Variants in RFLNA observed in about 807,000 individuals in gnomAD.
RFLNA encodes the protein refilin A.
Under a neutral mutation model 7.8 loss-of-function variants are expected in RFLNA, and 5 were observed. That is an observed-to-expected ratio of 0.64 (90% CI 0.34 to 1.35). The LOEUF is 1.35. RFLNA is among the 40% of genes most tolerant of loss of function. The pLI is 0.04. For missense variants in RFLNA, 278 were observed against 305.5 expected, an observed-to-expected ratio of 0.91 and a Z score of 0.67; for synonymous variants, 141 against 131.3, an observed-to-expected ratio of 1.07 and a Z score of -0.50.
intron 1 of RFLNA, among the ~76,000 whole-genome samples, chr12:124,303,370 G>A (rs2034080114): frequency 6.6e-6 from 1 of 152,208 alleles, no homozygotes; most frequent in South Asian, 2.1e-4. Context: ...GTGGGGCCTG[G>A]TGGGCCCTTG....
intron 2 of RFLNA, among the ~76,000 whole-genome samples, chr12:124,313,342 AG>A (rs2034287134): frequency 6.6e-6 from 1 of 152,182 alleles, no homozygotes; most frequent in Non-Finnish European, 1.5e-5. Flanking sequence ...AGGGTGTTGA[AG>A]GGACTTCTTG....
intron 1 of RFLNA, among the ~76,000 whole-genome samples, chr12:124,300,555 T>C (rs1280351772): frequency 6.7e-6 from 1 of 150,180 alleles, no homozygotes; most frequent in East Asian, 2.0e-4. Flanking sequence ...AGTGCTGGGG[T>C]TGGGAAGGAT....
intron 1 of RFLNA, among the ~76,000 whole-genome samples, chr12:124,302,555 C>G (rs2342467): frequency 0.98 from 149,337 of 152,194 alleles, 73,333 homozygotes; most frequent in Middle Eastern, 1. Flanking sequence ...CCACCCCTGC[C>G]CCGGCCCCCT....
chr12:124,309,590 C>T (rs919100376), intron 1 of RFLNA, among the ~76,000 whole-genome samples: 1 of 152,236 alleles, frequency 6.6e-6, no homozygotes, highest in African/African-American at 2.4e-5. Context: ...GATGAACAAG[C>T]TATCTGAAAA....
rs912469014 is a variant in RFLNA at position 124,289,685 on chromosome 12, C to T, written c.-37+315C>T. Among the ~76,000 whole-genome samples the T allele has an allele frequency of 1.3e-5, 2 of 152,208 alleles. No individual in the cohort carries two copies. Among genetic ancestry groups the T allele is most frequent in the African/African-American group, 4.8e-5 (2 of 41,460 alleles). ...CCCAGCAAAGGCGGGCTGCAGGCTC[C>T]GAGAGGACACGGGCTAAAAATGAAG... is the stretch of plus-strand genomic sequence containing the variant. On this transcript the variant is annotated intron_variant, in intron 1 of 2. Transcript: ENST00000324038. The surrounding 1 kb of genome is among the most constrained non-coding windows in gnomAD (Gnocchi z 5.0).
intron 1 of RFLNA, among the ~76,000 whole-genome samples, chr12:124,309,435 A>G (rs941874508): frequency 3.3e-5 from 5 of 152,242 alleles, no homozygotes; most frequent in Admixed American, 2.6e-4. Flanking sequence ...TACAGAGCGC[A>G]GTGCCGGCAC....
chr12:124,313,338 T>C (rs868817176), intron 2 of RFLNA, among the ~76,000 whole-genome samples: 5 of 152,200 alleles, frequency 3.3e-5, no homozygotes, highest in African/African-American at 1.2e-4. Context: ...TCCAAGGGTG[T>C]TGAAGGGACT....
intron 1 of RFLNA, among the ~76,000 whole-genome samples, chr12:124,298,986 G>T (rs1438407317): frequency 6.6e-6 from 1 of 152,252 alleles, no homozygotes; most frequent in Non-Finnish European, 1.5e-5. Flanking sequence ...CCACAAAGAG[G>T]CAGGGACCAC....
chr12:124,294,598 C>G (rs974176882), upstream of RFLNA, among the ~76,000 whole-genome samples: 1 of 5,542 alleles, frequency 1.8e-4, no homozygotes, highest in Non-Finnish European at 0.022. Context: ...TCATCGCCCC[C>G]GCCGCCCCCA....
intron 2 of RFLNA, among the ~76,000 whole-genome samples, chr12:124,313,035 C>G (rs899974388): frequency 2.0e-5 from 3 of 152,192 alleles, no homozygotes; most frequent in Middle Eastern, 3.2e-3. Flanking sequence ...GCCAGCCAGG[C>G]AATGGTCCCA....
chr12:124,307,208 G>A (rs1566326542), intron 1 of RFLNA, among the ~76,000 whole-genome samples: 2 of 152,236 alleles, frequency 1.3e-5, no homozygotes, highest in African/African-American at 2.4e-5. Flanking sequence ...GCTAAGTGCC[G>A]TGTCCCAGTG....
In RFLNA at chr12:124,295,540, C is replaced by A; in HGVS notation, c.111C>A (p.Ser37Arg). ...GGCTGCCCCCCAGCCCCAGCCCCAGCCCGCCCTTCTACTCCCTGGCGCCCG... is the reference window on the plus strand; with the variant it reads ...GGCTGCCCCCCAGCCCCAGCCCCAGACCGCCCTTCTACTCCCTGGCGCCCG... ...DSGLPPSPSPSPPFYSLAPGI... is the reference protein window; with the variant it reads ...DSGLPPSPSPRPPFYSLAPGI... Residue 37 changes from serine (S) to arginine (R), a missense_variant, in exon 1 of 3, where the codon AGC (serine) becomes AGA (arginine). Transcript: ENST00000546355. 1.6e-6 allele frequency: 2 copies of A among 1,258,924 alleles called. No individual in the cohort carries two copies. The highest frequency in any genetic ancestry group is 3.0e-5 in the South Asian group (1 of 32,958). 78.0% of individuals were successfully genotyped at this position (1,258,924 alleles called of 1,614,324 possible). A position where few individuals can be genotyped will look rare whatever the true frequency, so the allele number is the denominator to read the frequency against.
At chr12:124,308,666 C>T (rs1010462227) in intron 1 of RFLNA, among the ~76,000 whole-genome samples, 5 of 152,250 alleles carry the variant, frequency 3.3e-5, no homozygotes, top group Non-Finnish European at 5.9e-5. Context: ...CATCTCTCCC[C>T]ATTTTCACAC....
chr12:124,311,518 G>T (rs2034243060), intron 1 of RFLNA, among the ~76,000 whole-genome samples: 1 of 152,216 alleles, frequency 6.6e-6, no homozygotes, highest in South Asian at 2.1e-4. Context: ...CTCCGGGGTG[G>T]GTGTGGCCTT....
At chr12:124,292,266 C>T (rs978322251), upstream of RFLNA, among the ~76,000 whole-genome samples, 2 of 152,064 alleles carry the variant, frequency 1.3e-5, no homozygotes, top group African/African-American at 4.8e-5. Flanking sequence ...GACCTAGTAC[C>T]TTCTTCCCTC....
intron 1 of RFLNA, among the ~76,000 whole-genome samples, chr12:124,300,499 G>A (rs571149749): frequency 2.6e-5 from 4 of 152,282 alleles, no homozygotes; most frequent in African/African-American, 7.2e-5. Context: ...TGTCTGTGAT[G>A]GTGAAACTGA....
chr12:124,297,445 C>T (rs2033948940), intron 1 of RFLNA, among the ~76,000 whole-genome samples: 1 of 152,196 alleles, frequency 6.6e-6, no homozygotes, highest in Non-Finnish European at 1.5e-5. Flanking sequence ...GCCAGGATAA[C>T]TGTCCTAAGC....
rs769193960 is a variant in RFLNA, at chr12:124,313,603, T to C, written c.318-589T>C. Among the ~76,000 whole-genome samples the C allele has an allele frequency of 7.3e-5, 11 of 150,266 alleles. No homozygotes were observed. The South Asian group carries it at 1.3e-3, about 17-fold the overall frequency. The stretch of plus-strand genomic sequence containing the variant: ...CTGAGGCAAGAGAATGGCGTGAACC[T>C]GGGAGGCGGAGCTTGCAGAGAGCCG... On this transcript the variant is annotated intron_variant, in intron 2 of 2. Transcript: ENST00000546355.
At chr12:124,311,334 C>T (rs1268433046) in intron 1 of RFLNA, among the ~76,000 whole-genome samples, 1 of 106,300 alleles carries the variant, frequency 9.4e-6, no homozygotes, top group African/African-American at 4.0e-5. Flanking sequence ...CTGTGTGTTC[C>T]TCCCTGGCAG....
Sources: allele counts gnomAD v4.1 joint callset (sites outside exome capture counted in the v4.1 genomes callset), GRCh38; gene constraint gnomAD v4.1.1; non-coding constraint Gnocchi (gnomAD v3.1); transcripts MANE v1.5; gene names NCBI Gene and HGNC (gene_info 2026-07-23, HGNC 2026-07-21).